The following RBFOX1 variants were observed in gnomAD, a reference collection of about 807,000 sequenced individuals.
RBFOX1 encodes RNA binding protein fox-1 homolog 1.
In RBFOX1, 8 loss-of-function variants were observed where a neutral mutation model predicts 57.7. The ratio of observed to expected loss-of-function variants is 0.14; its 90% CI spans 0.08 to 0.25. The LOEUF is 0.25. Among genes scored for constraint, RBFOX1 ranks in the 10% least tolerant of loss-of-function variants. The probability of loss-of-function intolerance (pLI) is 1.00; values close to 1 mark genes in which losing one functional copy is unlikely to be tolerated. For missense variants in RBFOX1, 611 were observed against 548.5 expected (o/e 1.11, Z -1.14); for synonymous variants, 326 against 222.4 (o/e 1.47, Z -4.15).
intron 3 of RBFOX1, among the ~76,000 whole-genome samples, chr16:6,828,389 T>A (rs1408472525): frequency 6.6e-6 from 1 of 151,850 alleles, no homozygotes; most frequent in Admixed American, 6.6e-5. Flanking sequence ...CTGGGCATGG[T>A]GACACAGGCC....
chr16:6,210,240 C>T (rs939866014), intron 1 of RBFOX1, among the ~76,000 whole-genome samples: 1 of 149,976 alleles, frequency 6.7e-6, no homozygotes, highest in East Asian at 2.0e-4. Flanking sequence ...ATCAACTGCA[C>T]CCAGGAGGTA....
intron 3 of RBFOX1, among the ~76,000 whole-genome samples, chr16:5,712,185 C>G (rs1347905132): frequency 1.3e-5 from 2 of 152,184 alleles, no homozygotes; most frequent in Admixed American, 1.3e-4. Flanking sequence ...GATCCAATCA[C>G]CTTCCACCAG....
intron 3 of RBFOX1, among the ~76,000 whole-genome samples, chr16:7,029,316 A>G (rs1196038212): frequency 6.8e-6 from 1 of 147,918 alleles, no homozygotes; most frequent in Non-Finnish European, 1.5e-5. Context: ...GTATATATAT[A>G]TAAAATCAAG....
At position 7,495,476 on chromosome 16, in the gene RBFOX1, C is replaced by T. The variant is rs28584122; in HGVS notation, c.28-22671C>T. ...TCCTTTTTCTCTGCAGCCTCACCAG[C>T]ATCTATTGTTTTTTGACTTTTTACT... On this transcript the variant is annotated intron_variant, in intron 4 of 15. Coordinates refer to ENST00000550418, the MANE Select transcript of RBFOX1 (RefSeq NM_018723.4). Among the ~76,000 whole-genome samples the T allele has an allele frequency of 6.5e-3, 986 of 152,304 alleles. 9 individuals are homozygous for T. The highest frequency in any genetic ancestry group is 0.02 in the African/African-American group (816 of 41,568).
chr16:6,992,567 C>T (rs1214147702), intron 3 of RBFOX1, among the ~76,000 whole-genome samples: 2 of 152,044 alleles, frequency 1.3e-5, no homozygotes, highest in Non-Finnish European at 2.9e-5. Context: ...TTGGGTTCCT[C>T]AGTAGTCGTG....
chr16:5,364,213 G>A (rs1184004951), intron 1 of RBFOX1, among the ~76,000 whole-genome samples: 1 of 152,214 alleles, frequency 6.6e-6, no homozygotes, highest in Non-Finnish European at 1.5e-5. Flanking sequence ...TCTCCTAGAA[G>A]TTCCAGCCAA....
At chr16:5,918,560 CA>C (rs1384760524) in intron 4 of RBFOX1, among the ~76,000 whole-genome samples, 1 of 152,208 alleles carries the variant, frequency 6.6e-6, no homozygotes, top group Non-Finnish European at 1.5e-5. Flanking sequence ...ACAGAGCCCT[CA>C]CTATCTATAA....
At chr16:6,593,495 G>T (rs2097743730) in intron 2 of RBFOX1, among the ~76,000 whole-genome samples, 1 of 152,150 alleles carries the variant, frequency 6.6e-6, no homozygotes, top group Non-Finnish European at 1.5e-5. Context: ...GTACTAGAGG[G>T]AGAATTGAGC....
intron 4 of RBFOX1, among the ~76,000 whole-genome samples, chr16:7,141,600 G>A (rs759971950): frequency 6.6e-6 from 1 of 152,164 alleles, no homozygotes; most frequent in South Asian, 2.1e-4. Flanking sequence ...CCAGATGAAA[G>A]ATTGCATGTT....
chr16:6,686,350 C>G (rs1047994865), intron 3 of RBFOX1, among the ~76,000 whole-genome samples: 1 of 152,184 alleles, frequency 6.6e-6, no homozygotes, highest in Non-Finnish European at 1.5e-5. Flanking sequence ...TCCTCCTTTG[C>G]TTTATTGATG....
chr16:5,718,004 C>T (rs1417287916), intron 3 of RBFOX1, among the ~76,000 whole-genome samples: 2 of 152,204 alleles, frequency 1.3e-5, no homozygotes, highest in Non-Finnish European at 2.9e-5. Context: ...TTCTCATGAC[C>T]TCATGATGAG....
chr16:6,793,653 A>T (rs1004481542), intron 3 of RBFOX1, among the ~76,000 whole-genome samples: 1 of 152,218 alleles, frequency 6.6e-6, no homozygotes, highest in Admixed American at 6.5e-5. Context: ...TCTTGAGCCA[A>T]AGTATTATAA....
chr16:7,077,854 C>T (rs988235750), intron 4 of RBFOX1, among the ~76,000 whole-genome samples: 1 of 152,110 alleles, frequency 6.6e-6, no homozygotes, highest in African/African-American at 2.4e-5. Context: ...CAATTTCTCC[C>T]AGTCCATTAG....
intron 1 of RBFOX1, among the ~76,000 whole-genome samples, chr16:6,193,410 A>ATATATG (rs2152814959): frequency 1.1e-5 from 1 of 93,416 alleles, no homozygotes; most frequent in South Asian, 3.8e-4. Flanking sequence ...ATATATATAT[A>ATATATG]TATATATATA....
intron 3 of RBFOX1, among the ~76,000 whole-genome samples, chr16:5,680,984 A>C (rs1008507384): frequency 2.6e-5 from 4 of 152,050 alleles, no homozygotes; most frequent in African/African-American, 9.7e-5. Flanking sequence ...GAGATGTTTT[A>C]AGTGCCATAA....
intron 3 of RBFOX1, among the ~76,000 whole-genome samples, chr16:5,705,621 A>T: frequency 6.6e-6 from 1 of 152,220 alleles, no homozygotes; most frequent in East Asian, 1.9e-4. Flanking sequence ...AGAGGAGGCA[A>T]CTAATAATCA....
At chr16:6,998,924 A>C (rs1470428966) in intron 3 of RBFOX1, among the ~76,000 whole-genome samples, 1 of 150,878 alleles carries the variant, frequency 6.6e-6, no homozygotes, top group Non-Finnish European at 1.5e-5. Flanking sequence ...GCTGGAGTGC[A>C]GTGGCACGAT....
rs1567215815 is a variant in RBFOX1 at position 6,780,316 on chromosome 16, T to TA, written c.-16+125666_-16+125667insA. Among the ~76,000 whole-genome samples the TA allele has an allele frequency of 2.0e-3, 148 of 75,130 alleles. 11 individuals are homozygous for TA. Among genetic ancestry groups the TA allele is most frequent in the East Asian group, 3.8e-3 (7 of 1,844 alleles). 49.3% of individuals were successfully genotyped at this position (75,130 alleles called of 152,430 possible). ...ATATATTTATACATATATATATTTATTCATATTTATATATATTTATACATA... is the reference window on the plus strand; with the variant it reads ...ATATATTTATACATATATATATTTATATCATATTTATATATATTTATACATA... On this transcript the variant is annotated intron_variant, in intron 3 of 15. Coordinates refer to ENST00000550418, the MANE Select transcript of RBFOX1 (RefSeq NM_018723.4).
At chr16:7,477,175 A>G (rs1025681614) in intron 4 of RBFOX1, among the ~76,000 whole-genome samples, 1 of 152,214 alleles carries the variant, frequency 6.6e-6, no homozygotes, top group Non-Finnish European at 1.5e-5. Context: ...AATAAATGGC[A>G]TTCTTGTGGA....
Sources: gnomAD v4.1 joint callset for allele counts (sites outside exome capture counted in the v4.1 genomes callset) on GRCh38, gnomAD v4.1.1 for gene constraint, MANE v1.5 for transcripts, NCBI Gene and HGNC (gene_info 2026-07-23, HGNC 2026-07-21) for gene names.